The following SGSM1 variants were observed in gnomAD, a reference collection of about 807,000 sequenced individuals.
The protein encoded by SGSM1 is RUN and TBC1 domain containing 2.
A neutral mutation model predicts 133.8 loss-of-function variants in SGSM1; 73 were observed. The observed-to-expected ratio is 0.55, with a 90% confidence interval of 0.45 to 0.66. The LOEUF (loss-of-function observed/expected upper bound fraction) is 0.66, where lower values mean the gene tolerates loss of function less well. Among genes scored for constraint, SGSM1 ranks in the 30% least tolerant of loss-of-function variants. The pLI is 0.00. For missense variants in SGSM1, 1,213 were observed against 1,448.1 expected, an observed-to-expected ratio of 0.84 and a Z score of 2.64; for synonymous variants, 563 against 573.0, an observed-to-expected ratio of 0.98 and a Z score of 0.25.
intron 12 of SGSM1, among the ~76,000 whole-genome samples, chr22:24,870,472 C>T (rs757962963): frequency 3.9e-5 from 6 of 152,234 alleles, no homozygotes; most frequent in African/African-American, 9.6e-5. Flanking sequence ...TGTACACTCC[C>T]GCTGGGAGCT....
chr22:24,855,329 C>G lies in SGSM1; in HGVS notation c.568C>G (p.His190Asp). ...LEYTKMKTAD[H>D]FWTDPSADEL... ...GTACACCAAGATGAAGACTGCAGAT[C>G]ACTTCTGGACCGATCCCTCGGCTGA... The change falls in exon 7 of 25, where the codon CAC becomes GAC. Residue 190 changes from histidine to aspartate, a missense_variant. By Grantham distance (81) the His-to-Asp change is moderately conservative (BLOSUM62 -1). Transcript: ENST00000400358. 6.2e-7 allele frequency: 1 copy of G among 1,612,988 alleles called. No individual in the cohort carries two copies. The highest frequency in any genetic ancestry group is 8.5e-7 in the Non-Finnish European group (1 of 1,179,486).
chr22:24,845,941 T>TTC (rs1555924222), intron 3 of SGSM1, among the ~76,000 whole-genome samples: 1 of 115,622 alleles, frequency 8.6e-6, no homozygotes, highest in Non-Finnish European at 1.8e-5. Context: ...TTTTCTTTTC[T>TTC]TTTCTTTCTT....
intron 24 of SGSM1, 111 bp downstream of exon 24, chr22:24,920,104 A>T: frequency 8.6e-7 from 1 of 1,157,544 alleles, no homozygotes; most frequent in Non-Finnish European, 1.2e-6. Flanking sequence ...TGAAGGGGAT[A>T]AAGAGGGCTC....
intron 3 of SGSM1, among the ~76,000 whole-genome samples, chr22:24,845,632 T>G (rs1930049566): frequency 6.6e-6 from 1 of 152,242 alleles, no homozygotes. Flanking sequence ...GGACATGTTC[T>G]AATTCCCCTC....
At position 24,898,058 on chromosome 22, in the gene SGSM1, A is replaced by G. The variant is rs749441087; in HGVS notation, c.2109A>G (p.Leu703=). Residue 703 remains leucine (L), a synonymous_variant, in exon 19 of 25, where the codon CTA becomes CTG. Coordinates refer to ENST00000400358, the MANE Select transcript of SGSM1 (RefSeq NM_001098497.3). ...AGCCCAAGATCCCCAATGGGAACCT[A>G]GTGAACGGCACTTGTTCCCCAGACT... ...EKQPKIPNGN[L]VNGTCSPDSG... is the part of the protein sequence containing the mutation. 61 of 1,613,874 alleles carry G rather than the reference A, an allele frequency of 3.8e-5. No homozygotes were observed. The highest frequency in any genetic ancestry group is 4.9e-5 in the Non-Finnish European group (58 of 1,179,892).
chr22:24,886,499 T>G (rs1601955534), intron 15 of SGSM1, 101 bp from the exon 16 acceptor site: 1 of 1,432,160 alleles, frequency 7.0e-7, no homozygotes. Context: ...AGGTCAGGAG[T>G]TCAAGACCAA....
intron 2 of SGSM1, among the ~76,000 whole-genome samples, chr22:24,823,822 ATTGT>A (rs1324105696): frequency 1.3e-5 from 2 of 151,614 alleles, no homozygotes; most frequent in Admixed American, 6.6e-5. Flanking sequence ...AGGCGGGAGG[ATTGT>A]TTGAGCCCAG....
intron 16 of SGSM1, among the ~76,000 whole-genome samples, chr22:24,891,278 T>G (rs71321016): frequency 0.016 from 2,365 of 152,286 alleles, 34 homozygotes; most frequent in African/African-American, 0.038. Flanking sequence ...GAGGATTGCT[T>G]GAGCCCAAGA....
chr22:24,852,367 C>A lies in SGSM1; in HGVS notation c.455+1935C>A, dbSNP rs528348343. Among the ~76,000 whole-genome samples the A allele has an allele frequency of 1.1e-4, 16 of 152,286 alleles. No homozygotes were observed. The South Asian group carries it at 3.3e-3, about 32-fold the overall frequency. On this transcript the variant is annotated intron_variant, in intron 5 of 24. Transcript: ENST00000400358. ...GGATACAGAATTATTCCGAAATAAA[C>A]CTCATCACCCCAAAGAAACTCCCTT...
At chr22:24,806,876 GC>G (rs1569126782) in intron 2 of SGSM1, among the ~76,000 whole-genome samples, 3 of 152,050 alleles carry the variant, frequency 2.0e-5, no homozygotes, top group African/African-American at 7.2e-5. Context: ...TGGAGGAGGG[GC>G]TCTGAATGGG....
intron 4 of SGSM1, among the ~76,000 whole-genome samples, chr22:24,849,337 T>C (rs374507099): frequency 3.6e-4 from 54 of 151,956 alleles, no homozygotes; most frequent in East Asian, 3.3e-3. Flanking sequence ...GCAGATCACC[T>C]GAGGTCAGGA....
At chr22:24,906,315 A>G (rs539899317) in intron 21 of SGSM1, among the ~76,000 whole-genome samples, 66 of 152,348 alleles carry the variant, frequency 4.3e-4, no homozygotes, top group African/African-American at 1.5e-3. Context: ...TCAATGGTGA[A>G]AAACTGAACA....
At chr22:24,818,519 C>T (rs1928256397) in intron 2 of SGSM1, among the ~76,000 whole-genome samples, 1 of 151,590 alleles carries the variant, frequency 6.6e-6, no homozygotes, top group African/African-American at 2.4e-5. Flanking sequence ...AGGTGCCTGC[C>T]ACCACATCCG....
At chr22:24,850,635 G>C (rs1239147437) in intron 5 of SGSM1, among the ~76,000 whole-genome samples, 2 of 152,206 alleles carry the variant, frequency 1.3e-5, no homozygotes, top group African/African-American at 2.4e-5. Flanking sequence ...GGAGTATAGG[G>C]ATCCTGGGTT....
At chr22:24,867,290 A>C in intron 10 of SGSM1, 130 bp downstream of exon 10, 1 of 821,742 alleles carries the variant, frequency 1.2e-6, no homozygotes, top group Non-Finnish European at 2.0e-6. Context: ...GTGCAACCTT[A>C]GGCAAGCGAC....
intron 16 of SGSM1, among the ~76,000 whole-genome samples, chr22:24,893,139 C>A (rs1338247583): frequency 6.6e-6 from 1 of 152,010 alleles, no homozygotes; most frequent in Non-Finnish European, 1.5e-5. Context: ...TCCCCAGGGC[C>A]TATGTACTAT....
chr22:24,871,129 C>T (rs929002316), intron 12 of SGSM1, among the ~76,000 whole-genome samples: 3 of 152,058 alleles, frequency 2.0e-5, no homozygotes, highest in African/African-American at 7.2e-5. Flanking sequence ...TGTTGAGCAC[C>T]CACTAGATGC....
Position 24,862,752 on chromosome 22 carries a change from A to G in SGSM1, c.926+2912A>G, listed in dbSNP as rs374390718. ...AATGAATGAGCAAGGAGATGGATGG[A>G]CATACGCTATGGAACCAAGCCTTTG... On this transcript the variant is annotated intron_variant, in intron 9 of 24. Transcript: ENST00000400358. 4.5e-4 allele frequency among the ~76,000 whole-genome samples: 69 copies of G among 152,320 alleles called. No individual in the cohort carries two copies. In the South Asian group the frequency reaches 0.013, roughly 28 times the overall value.
chr22:24,843,120 C>T (rs1929901629), intron 2 of SGSM1, among the ~76,000 whole-genome samples: 1 of 152,232 alleles, frequency 6.6e-6, no homozygotes. Flanking sequence ...CTCCACGAGA[C>T]TCCATTTCCA....
Sources: gnomAD v4.1 joint callset for allele counts (sites outside exome capture counted in the v4.1 genomes callset) on GRCh38, gnomAD v4.1.1 for gene constraint, MANE v1.5 for transcripts, NCBI Gene and HGNC (gene_info 2026-07-23, HGNC 2026-07-21) for gene names.